The following PRKN variants were observed in gnomAD, a reference collection of about 807,000 sequenced individuals.
PRKN encodes parkin RBR E3 ubiquitin protein ligase.
In PRKN, 56 loss-of-function variants were observed where a neutral mutation model predicts 59.5. The observed-to-expected ratio is 0.94, with a 90% CI of 0.76 to 1.18. The LOEUF (loss-of-function observed/expected upper bound fraction) is 1.18. Ranked by LOEUF, PRKN falls within the 50% of genes most tolerant of loss-of-function variation. The probability of loss-of-function intolerance (pLI) is 0.00; values close to 1 mark genes in which losing one functional copy is unlikely to be tolerated. For synonymous variants in PRKN, 250 were observed against 222.1 expected (o/e 1.13, Z -1.12); for missense variants, 657 against 596.4 (o/e 1.10, Z -1.06).
intron 7 of PRKN, among the ~76,000 whole-genome samples, chr6:161,595,265 G>T (rs951657243): frequency 8.5e-5 from 13 of 152,052 alleles, no homozygotes; most frequent in Admixed American, 8.5e-4. Context: ...AGTTTTTCTG[G>T]TAATCTCTCA....
rs1791986224 is a variant in PRKN, at chr6:161,820,694, A to C, written c.735-34786T>G. Among the ~76,000 whole-genome samples the C allele has an allele frequency of 2.0e-5, 3 of 148,488 alleles. No individual in the cohort carries two copies. In the South Asian group the frequency reaches 6.3e-4, roughly 31 times the overall value. On this transcript the variant is annotated intron_variant, in intron 6 of 11. Coordinates refer to ENST00000366898, the MANE Select transcript of PRKN (RefSeq NM_004562.3). ...TAAATGGCAATTTTTATAAGTATAAAATTTTATGCATAAATAAAATTATAT... is the reference window on the plus strand; with the variant it reads ...TAAATGGCAATTTTTATAAGTATAACATTTTATGCATAAATAAAATTATAT...
At chr6:162,640,644 G>A (rs1390626631) in intron 1 of PRKN, among the ~76,000 whole-genome samples, 1 of 152,164 alleles carries the variant, frequency 6.6e-6, no homozygotes, top group African/African-American at 2.4e-5. Context: ...GTTTTATTCT[G>A]CTGGATACTG....
intron 6 of PRKN, among the ~76,000 whole-genome samples, chr6:161,864,460 C>T (rs907607955): frequency 2.0e-5 from 3 of 152,132 alleles, no homozygotes; most frequent in Non-Finnish European, 2.9e-5. Context: ...CTATTTCCAC[C>T]ATATCTGCAG....
At chr6:161,392,280 A>T (rs1786545644) in intron 9 of PRKN, among the ~76,000 whole-genome samples, 1 of 151,632 alleles carries the variant, frequency 6.6e-6, no homozygotes, top group Non-Finnish European at 1.5e-5. Context: ...GCTACTTGGG[A>T]GGCTGAGGCA....
chr6:162,669,995 G>T (rs1190732603), intron 1 of PRKN, among the ~76,000 whole-genome samples: 1 of 152,192 alleles, frequency 6.6e-6, no homozygotes, highest in Non-Finnish European at 1.5e-5. Flanking sequence ...CAATTTTTAA[G>T]TTAAACTAAC....
intron 4 of PRKN, among the ~76,000 whole-genome samples, chr6:162,152,954 C>T (rs986838738): frequency 3.9e-5 from 6 of 152,150 alleles, no homozygotes; most frequent in African/African-American, 1.4e-4. Context: ...AGCAGTTCCA[C>T]CAATGTGACC....
intron 7 of PRKN, among the ~76,000 whole-genome samples, chr6:161,755,494 C>T (rs1037977165): frequency 4.6e-5 from 7 of 152,020 alleles, no homozygotes; most frequent in African/African-American, 1.7e-4. Flanking sequence ...GTGAAAAATA[C>T]ATATCTTGCA....
chr6:162,170,240 A>C (rs80246943), intron 4 of PRKN, among the ~76,000 whole-genome samples: 1 of 152,200 alleles, frequency 6.6e-6, no homozygotes, highest in Non-Finnish European at 1.5e-5. Flanking sequence ...GCTCTGGGAA[A>C]GAAGATTGTG....
rs77786549 is a variant in PRKN at position 162,335,905 on chromosome 6, G to A, written c.172-73140C>T. Among the ~76,000 whole-genome samples, 403 of 151,626 alleles carry A rather than the reference G, an allele frequency of 2.7e-3. 3 individuals are homozygous for A. The highest frequency in any genetic ancestry group is 9.4e-3 in the African/African-American group (388 of 41,282). ...GACTTTAAGTGCTGAAACAGGAAAC[G>A]TCCTGGGTAAACTGGGGAGGATTGG... is the stretch of plus-strand genomic sequence containing the variant. On this transcript the variant is annotated intron_variant, in intron 2 of 11. Coordinates refer to ENST00000366898, the MANE Select transcript of PRKN (RefSeq NM_004562.3).
rs9365292 is a variant in PRKN, at chr6:161,484,201, A to T, written c.1083+64653T>A. ...AAAATGAAAAGTTGAAGAAAATTTT[A>T]AAAAAAGACCCTGCCTGGCAGGGTT... is the stretch of plus-strand genomic sequence containing the variant. On this transcript the variant is annotated intron_variant, in intron 9 of 11. Transcript: ENST00000366898. This position sits in a 1 kb window ranked among gnomAD's most constrained non-coding sequence, Gnocchi z 4.9. Among the ~76,000 whole-genome samples, 107,095 of 151,826 alleles carry T rather than the reference A, an allele frequency of 0.71. 38,593 individuals are homozygous for T. The highest frequency in any genetic ancestry group is 0.83 in the Middle Eastern group (245 of 294).
At chr6:162,103,859 A>G (rs1410774666) in intron 4 of PRKN, among the ~76,000 whole-genome samples, 1 of 152,164 alleles carries the variant, frequency 6.6e-6, no homozygotes, top group African/African-American at 2.4e-5. Context: ...CCTCACCTGT[A>G]TGTAGCTGTG....
At chr6:161,716,530 C>G in intron 7 of PRKN, among the ~76,000 whole-genome samples, 1 of 152,176 alleles carries the variant, frequency 6.6e-6, no homozygotes, top group Middle Eastern at 3.4e-3. Flanking sequence ...TAAACCTAAA[C>G]GCTATGTCTA....
In PRKN at chr6:161,847,238, T is replaced by G. The variant is rs541572307; in HGVS notation, c.735-61330A>C. Among the ~76,000 whole-genome samples the G allele has an allele frequency of 2.0e-5, 3 of 151,704 alleles. No homozygotes were observed. The South Asian group carries it at 6.2e-4, about 32-fold the overall frequency. On this transcript the variant is annotated intron_variant, in intron 6 of 11. Transcript: ENST00000366898. Reference sequence around the variant, plus strand: ...CAGGAGAATTGCTTGAACCAGGGAGTTGGAGGTTGCAGTGAGCGGAGATGG... The same window carrying G: ...CAGGAGAATTGCTTGAACCAGGGAGGTGGAGGTTGCAGTGAGCGGAGATGG...
chr6:161,452,101 G>C (rs60809812), intron 9 of PRKN, among the ~76,000 whole-genome samples: 10,047 of 151,522 alleles, frequency 0.066, 482 homozygotes, highest in African/African-American at 0.13. Context: ...GATTACAGGC[G>C]CACCACCACA....
intron 4 of PRKN, among the ~76,000 whole-genome samples, chr6:162,058,362 C>G (rs940520161): frequency 6.6e-6 from 1 of 152,136 alleles, no homozygotes; most frequent in Admixed American, 6.5e-5. Context: ...ACTGACAGCT[C>G]TAACAGGAGC....
chr6:161,494,871 C>T (rs1248137759), intron 9 of PRKN, among the ~76,000 whole-genome samples: 1 of 152,108 alleles, frequency 6.6e-6, no homozygotes, highest in Non-Finnish European at 1.5e-5. Flanking sequence ...TCATCCCCAG[C>T]CTTTCCCCAG....
At chr6:161,443,243 G>A (rs1030942094) in intron 9 of PRKN, among the ~76,000 whole-genome samples, 2 of 151,430 alleles carry the variant, frequency 1.3e-5, no homozygotes, top group African/African-American at 4.9e-5. Context: ...CTGGGAGGCA[G>A]AGGTTGCAGT....
chr6:161,850,589 A>AAC (rs1290351891), intron 6 of PRKN, among the ~76,000 whole-genome samples: 2 of 151,888 alleles, frequency 1.3e-5, no homozygotes, highest in Non-Finnish European at 2.9e-5. Flanking sequence ...AAAAAAAAAA[A>AAC]AAAAACTCTA....
chr6:162,263,582 T>C (rs905363049), intron 2 of PRKN, among the ~76,000 whole-genome samples: 2 of 152,208 alleles, frequency 1.3e-5, no homozygotes, highest in Non-Finnish European at 2.9e-5. Context: ...TAACATTTTG[T>C]AGCATAAAAA....
Sources: allele counts gnomAD v4.1 joint callset (sites outside exome capture counted in the v4.1 genomes callset), GRCh38; gene constraint gnomAD v4.1.1; non-coding constraint Gnocchi (gnomAD v3.1); transcripts MANE v1.5; gene names NCBI Gene and HGNC (gene_info 2026-07-23, HGNC 2026-07-21).